Variants in ERBB4 observed in about 807,000 individuals in gnomAD.
ERBB4 encodes receptor tyrosine-protein kinase erbB-4.
Under a neutral mutation model 158.0 loss-of-function variants are expected in ERBB4, and 42 were observed. The observed-to-expected ratio is 0.27, with a 90% CI of 0.21 to 0.34. ERBB4 has a LOEUF of 0.34. Ranked by LOEUF, ERBB4 falls within the 10% of genes least tolerant of loss-of-function variation. The pLI is 1.00. For missense variants in ERBB4, 1,333 were observed against 1,624.1 expected, an observed-to-expected ratio of 0.82 and a Z score of 3.08; for synonymous variants, 583 against 558.7, an observed-to-expected ratio of 1.04 and a Z score of -0.61.
intron 19 of ERBB4, among the ~76,000 whole-genome samples, chr2:211,606,917 C>T (rs7559679): frequency 0.87 from 131,717 of 152,108 alleles, 57,290 homozygotes; most frequent in Admixed American, 0.91. Flanking sequence ...CCCTTGTGTT[C>T]GCAAGTCTCC....
intron 1 of ERBB4, among the ~76,000 whole-genome samples, chr2:212,215,705 A>G (rs1174687003): frequency 6.6e-6 from 1 of 151,394 alleles, no homozygotes. Context: ...TTGCTAAAAA[A>G]AAATCTTGTG....
chr2:211,783,666 A>G (rs1261022920), intron 4 of ERBB4, among the ~76,000 whole-genome samples: 3 of 152,238 alleles, frequency 2.0e-5, no homozygotes, highest in Non-Finnish European at 2.9e-5. Context: ...ATGCTGGATT[A>G]CGTTTATTGA....
At chr2:212,534,017 GA>G (rs1356562718) in intron 1 of ERBB4, among the ~76,000 whole-genome samples, 2 of 152,178 alleles carry the variant, frequency 1.3e-5, no homozygotes, top group African/African-American at 4.8e-5. Flanking sequence ...GTAGGTATCA[GA>G]AAATCCGTTT....
At position 212,269,111 on chromosome 2, in the gene ERBB4, G is replaced by A. The variant is rs112730701; in HGVS notation, c.83-144208C>T. ...TAAACACAAATGGGTACTTGAAAGA[G>A]AGAGCAGAAATTCCCAGAAAACAAT... On this transcript the variant is annotated intron_variant, in intron 1 of 27. Transcript: ENST00000342788. 5.1e-3 allele frequency among the ~76,000 whole-genome samples: 775 copies of A among 151,988 alleles called. 4 individuals carry two copies. The highest frequency in any genetic ancestry group is 0.017 in the Middle Eastern group (5 of 294).
intron 20 of ERBB4, among the ~76,000 whole-genome samples, chr2:211,437,769 T>C (rs2063886822): frequency 6.6e-6 from 1 of 152,140 alleles, no homozygotes; most frequent in South Asian, 2.1e-4. Context: ...TCTGTTTTCA[T>C]TCTAATTACC....
At chr2:212,219,195 T>C (rs1037392518) in intron 1 of ERBB4, among the ~76,000 whole-genome samples, 14 of 151,410 alleles carry the variant, frequency 9.2e-5, no homozygotes, top group Non-Finnish European at 1.6e-4. Flanking sequence ...GTTATGATTT[T>C]AAAAAATTGG....
chr2:211,542,893 T>A (rs2066849300), intron 20 of ERBB4, among the ~76,000 whole-genome samples: 1 of 151,938 alleles, frequency 6.6e-6, no homozygotes, highest in Non-Finnish European at 1.5e-5. Context: ...AAGTAGAGAT[T>A]TTTAGATTCG....
chr2:211,721,443 C>CAAAAATAAA (rs2074087089), intron 7 of ERBB4, among the ~76,000 whole-genome samples: 1 of 54,500 alleles, frequency 1.8e-5, no homozygotes, highest in Non-Finnish European at 3.0e-5. Flanking sequence ...TTACTCAAAG[C>CAAAAATAAA]AAAAAAAAAA....
chr2:212,320,559 C>T (rs984654432), intron 1 of ERBB4, among the ~76,000 whole-genome samples: 6 of 147,616 alleles, frequency 4.1e-5, no homozygotes, highest in East Asian at 2.0e-4. Flanking sequence ...ATTCTGAGTT[C>T]TCAGAACTGG....
intron 1 of ERBB4, among the ~76,000 whole-genome samples, chr2:212,291,700 T>A (rs1166642178): frequency 6.6e-6 from 1 of 151,822 alleles, no homozygotes. Context: ...ATTTTTGGGG[T>A]TTTTCTGAGT....
chr2:211,387,739 A>G (rs1357071118), intron 26 of ERBB4, among the ~76,000 whole-genome samples: 1 of 152,226 alleles, frequency 6.6e-6, no homozygotes, highest in Non-Finnish European at 1.5e-5. Flanking sequence ...AAAAATTGAA[A>G]GCTACTGTTG....
chr2:212,164,277 CAA>C (rs1199429159), intron 1 of ERBB4, among the ~76,000 whole-genome samples: 2 of 137,050 alleles, frequency 1.5e-5, no homozygotes, highest in Non-Finnish European at 3.1e-5. Flanking sequence ...TATCAGATTT[CAA>C]AGACGTATGA....
At chr2:212,286,848 C>T (rs1444378900) in intron 1 of ERBB4, among the ~76,000 whole-genome samples, 1 of 137,038 alleles carries the variant, frequency 7.3e-6, no homozygotes. Flanking sequence ...TGAACTCAAG[C>T]GATCCGCCAG....
chr2:211,944,185 A>ATATATAGTG (rs1263939431), intron 3 of ERBB4, among the ~76,000 whole-genome samples: 2 of 45,502 alleles, frequency 4.4e-5, no homozygotes, highest in Non-Finnish European at 8.8e-5. Flanking sequence ...TACTATATAT[A>ATATATAGTG]TATATATATA....
chr2:212,218,112 C>A (rs1335708460), intron 1 of ERBB4, among the ~76,000 whole-genome samples: 1 of 151,202 alleles, frequency 6.6e-6, no homozygotes, highest in African/African-American at 2.4e-5. Context: ...TTTACTATAG[C>A]CTCAAAGTCT....
chr2:211,911,481 G>T (rs1186806873), intron 3 of ERBB4, among the ~76,000 whole-genome samples: 1 of 151,798 alleles, frequency 6.6e-6, no homozygotes, highest in Admixed American at 6.6e-5. Flanking sequence ...GCCCAGGCTG[G>T]TCTCCAGCTC....
intron 1 of ERBB4, among the ~76,000 whole-genome samples, chr2:212,481,169 T>A (rs943702205): frequency 1.1e-3 from 125 of 116,956 alleles, no homozygotes; most frequent in Non-Finnish European, 2.3e-3. Flanking sequence ...GTAAATTACA[T>A]ACAACAAATT....
intron 1 of ERBB4, among the ~76,000 whole-genome samples, chr2:212,387,574 C>T (rs200409850): frequency 4.0e-5 from 6 of 151,888 alleles, no homozygotes; most frequent in South Asian, 4.2e-4. Context: ...CACACCACCA[C>T]GCCCAGCTAA....
At chr2:211,736,646 G>A (rs1478294309) in intron 5 of ERBB4, among the ~76,000 whole-genome samples, 1 of 152,142 alleles carries the variant, frequency 6.6e-6, no homozygotes, top group East Asian at 1.9e-4. Context: ...GGATTCTAGA[G>A]GATATGGAAA....
Sources: gnomAD v4.1 joint callset for allele counts (sites outside exome capture counted in the v4.1 genomes callset) on GRCh38, gnomAD v4.1.1 for gene constraint, MANE v1.5 for transcripts, NCBI Gene and HGNC (gene_info 2026-07-23, HGNC 2026-07-21) for gene names.